Variants in COPZ2 observed in about 807,000 individuals in gnomAD.
COPZ2 encodes coatomer subunit zeta-2.
A neutral mutation model predicts 33.2 loss-of-function variants in COPZ2; 30 were observed. That is an observed-to-expected ratio of 0.90 (90% CI 0.68 to 1.23). The LOEUF (loss-of-function observed/expected upper bound fraction) is 1.23, where lower values mean the gene tolerates loss of function less well. Among genes scored for constraint, COPZ2 ranks in the 50% most tolerant of loss-of-function variants. The pLI is 0.00. For synonymous variants in COPZ2, 89 were observed against 102.6 expected (o/e 0.87, Z 0.80); for missense variants, 263 against 262.4 (o/e 1.00, Z -0.02).
intron 6 of COPZ2, chr17:48,031,592 A>G (rs2036895501): frequency 6.6e-6 from 1 of 152,660 alleles, no homozygotes; most frequent in Admixed American, 6.5e-5. Flanking sequence ...CTAAGAATAT[A>G]CTAGCATACC....
At chr17:48,026,660 A>G (rs889582420) in intron 8 of COPZ2, among the ~76,000 whole-genome samples, 185 bp from the exon 9 acceptor site, 1 of 152,210 alleles carries the variant, frequency 6.6e-6, no homozygotes, top group Non-Finnish European at 1.5e-5. Flanking sequence ...GCGCAGACCA[A>G]ACCGGCTGCA....
the COPZ2 span, chr17:48,045,914 C>G: frequency 6.6e-6 from 1 of 152,186 alleles, no homozygotes; most frequent in Non-Finnish European, 1.5e-5. Context: ...GGTTAATCAG[C>G]AGGTTCTGGG....
intron 7 of COPZ2, 114 bp downstream of exon 7, chr17:48,029,010 TG>T (rs962564668): frequency 5.6e-6 from 5 of 894,392 alleles, no homozygotes; most frequent in African/African-American, 1.7e-5. Context: ...GTCAGCCCAG[TG>T]GTTGGCTTCT....
intron 2 of COPZ2, among the ~76,000 whole-genome samples, chr17:48,036,090 G>C (rs1325954846): frequency 1.3e-5 from 2 of 152,168 alleles, no homozygotes; most frequent in Non-Finnish European, 2.9e-5. Flanking sequence ...AGATGCTATA[G>C]CTCCCCTACA....
chr17:48,036,924 A>G lies in COPZ2; in HGVS notation c.113T>C (p.Leu38Ser). 6.2e-7 allele frequency: 1 copy of G among 1,613,756 alleles called. No individual in the cohort carries two copies. Among genetic ancestry groups the G allele is most frequent in the Non-Finnish European group, 8.5e-7 (1 of 1,179,722 alleles). Residue 38 changes from leucine (L) to serine (S), a missense_variant and splice_region_variant, in exon 2 of 9, where the codon TTG becomes TCG. Coordinates refer to ENST00000621465, the MANE Select transcript of COPZ2 (RefSeq NM_016429.4). ...GATGGTGTAGAGGGAAGGTTCCTGC[A>G]ACTGACACCGGAGAGGAGAGTTCCG... ...ARAGEPSGLR[L>S]QEPSLYTIKA... is the part of the protein sequence containing the mutation.
chr17:48,041,178 T>G (rs376651149), upstream of COPZ2, among the ~76,000 whole-genome samples: 33 of 151,818 alleles, frequency 2.2e-4, no homozygotes, highest in East Asian at 1.3e-3. Flanking sequence ...GACAACATAT[T>G]TTATGTGCTG....
chr17:48,030,243 C>T (rs1320653331), intron 6 of COPZ2, among the ~76,000 whole-genome samples: 6 of 151,466 alleles, frequency 4.0e-5, no homozygotes, highest in Admixed American at 2.0e-4. Flanking sequence ...GCCAAGATCA[C>T]GCCACTGCAC....
chr17:48,029,117 A>C lies in COPZ2; in HGVS notation c.546+8T>G. The C allele has an allele frequency of 6.4e-7, 1 of 1,573,656 alleles. No individual in the cohort carries two copies. The highest frequency in any genetic ancestry group is 1.2e-5 in the South Asian group (1 of 85,214). On this transcript the variant is annotated splice_region_variant and intron_variant, in intron 7 of 8. Transcript: ENST00000621465. ...CCTAAAAGAGGAGGTGTCCAGGAAGACTCTTACCCTAAAATTCACCTTCTG... is the reference window on the plus strand; with the variant it reads ...CCTAAAAGAGGAGGTGTCCAGGAAGCCTCTTACCCTAAAATTCACCTTCTG...
In COPZ2 at chr17:48,028,355, AC is replaced by A. The variant is rs1436805167; in HGVS notation, c.585+116del. On this transcript the variant is annotated intron_variant, in intron 8 of 8. Transcript: ENST00000621465. This position sits in a 1 kb window ranked among gnomAD's most constrained non-coding sequence, Gnocchi z 4.5. ...TCACTGCCTCATCCCTTCCCTTCTC[AC>A]CCCTGATTTTTCAGACTTGATAACT... is the stretch of plus-strand genomic sequence containing the variant. The A allele has an allele frequency of 1.3e-5, 14 of 1,056,538 alleles. No individual in the cohort carries two copies. Among genetic ancestry groups the A allele is most frequent in the Non-Finnish European group, 1.9e-5 (14 of 737,208 alleles). The allele number at this position is 1,056,538 out of a possible 1,614,324, so 65.4% of individuals were successfully genotyped here. A position where few individuals can be genotyped will look rare whatever the true frequency, so the allele number is the denominator to read the frequency against.
At position 48,037,328 on chromosome 17, in the gene COPZ2, G is replaced by T; in HGVS notation, c.111+339C>A. 2.3e-6 allele frequency: 1 copy of T among 429,382 alleles called. No homozygotes were observed. The highest frequency in any genetic ancestry group is 4.5e-6 in the Non-Finnish European group (1 of 221,644). The allele number at this position is 429,382 out of a possible 1,614,324, so 26.6% of individuals were successfully genotyped here. ...CAGCGCGCCCCCAGGCCCTGGCCCG[G>T]GTAGACTCCAGAAGCATGCCCATCA... On this transcript the variant is annotated intron_variant, in intron 1 of 8. Coordinates refer to ENST00000621465, the MANE Select transcript of COPZ2 (RefSeq NM_016429.4). The surrounding 1 kb of genome is among the most constrained non-coding windows in gnomAD (Gnocchi z 5.6).
upstream of COPZ2, among the ~76,000 whole-genome samples, chr17:48,041,725 A>G (rs746742619): frequency 7.9e-5 from 12 of 152,090 alleles, no homozygotes; most frequent in Non-Finnish European, 1.8e-4. Context: ...AGTTATGTCA[A>G]TGGTCATGCT....
intron 2 of COPZ2, among the ~76,000 whole-genome samples, chr17:48,034,428 A>C (rs1014203958): frequency 6.6e-6 from 1 of 152,130 alleles, no homozygotes; most frequent in African/African-American, 2.4e-5. Flanking sequence ...AATTCTGAGC[A>C]AAGAAAGTCC....
In COPZ2 at chr17:48,037,298, G is replaced by C. The variant is rs910302331; in HGVS notation, c.111+369C>G. 4.5e-5 allele frequency: 22 copies of C among 491,050 alleles called. No homozygotes were observed. Among genetic ancestry groups the C allele is most frequent in the South Asian group, 1.7e-5 (1 of 58,380 alleles). The allele number at this position is 491,050 out of a possible 1,614,324, so 30.4% of individuals were successfully genotyped here. A position where few individuals can be genotyped will look rare whatever the true frequency, so the allele number is the denominator to read the frequency against. On this transcript the variant is annotated intron_variant, in intron 1 of 8. Coordinates refer to ENST00000621465, the MANE Select transcript of COPZ2 (RefSeq NM_016429.4). This position sits in a 1 kb window ranked among gnomAD's most constrained non-coding sequence, Gnocchi z 5.6. ...TGATCCCTGGCCGGGCTGGACCTGC[G>C]CTATCAGCGCGCCCCCAGGCCCTGG...
rs1276847704 is a variant in COPZ2 at position 48,026,234 on chromosome 17, C to T, written c.*194G>A. 5 of 590,356 alleles carry T rather than the reference C, an allele frequency of 8.5e-6. No homozygotes were observed. Among genetic ancestry groups the T allele is most frequent in the Non-Finnish European group, 1.5e-5 (5 of 331,804 alleles). The allele number at this position is 590,356 out of a possible 1,614,324, so 36.6% of individuals were successfully genotyped here. On this transcript the variant is annotated 3_prime_UTR_variant, in exon 9 of 9. Transcript: ENST00000621465. ...GGAATGCCTAAGATATGAGTTAAGG[C>T]CAGGGCCGTGAGAAAAGGTGACTCT...
At chr17:48,042,860 C>T (rs894907028), upstream of COPZ2, among the ~76,000 whole-genome samples, 1 of 152,192 alleles carries the variant, frequency 6.6e-6, no homozygotes, top group Non-Finnish European at 1.5e-5. Context: ...ATAACCCCTC[C>T]CCAAACTCCT....
At position 48,032,244 on chromosome 17, in the gene COPZ2, A is replaced by G. The variant is rs1168822019; in HGVS notation, c.417-11T>C. On this transcript the variant is annotated splice_polypyrimidine_tract_variant and intron_variant, in intron 5 of 8. Transcript: ENST00000621465. ...TTCTCCACGTTCTTCCTGAAGGTGG[A>G]CACAAGCTCCTGAGCCTCCCTGTGG... The G allele has an allele frequency of 6.2e-7, 1 of 1,609,964 alleles. No homozygotes were observed. The highest frequency in any genetic ancestry group is 8.5e-7 in the Non-Finnish European group (1 of 1,178,230).
Position 48,036,911 on chromosome 17 carries a change from G to GGAA in COPZ2, c.123_125dup (p.Ser42dup). The stretch of plus-strand genomic sequence containing the variant: ...TGAAAACAGCCTTGATGGTGTAGAG[G>GGAA]GAAGGTTCCTGCAACTGACACCGGA... On this transcript the variant is annotated inframe_insertion, in exon 2 of 9. Coordinates refer to ENST00000621465, the MANE Select transcript of COPZ2 (RefSeq NM_016429.4). 1 of 1,613,768 alleles carries GGAA rather than the reference G, an allele frequency of 6.2e-7. No homozygotes were observed.
In COPZ2 at chr17:48,028,287, A is replaced by G. The variant is rs2036843855; in HGVS notation, c.585+185T>C. On this transcript the variant is annotated intron_variant, in intron 8 of 8. Coordinates refer to ENST00000621465, the MANE Select transcript of COPZ2 (RefSeq NM_016429.4). This position sits in a 1 kb window ranked among gnomAD's most constrained non-coding sequence, Gnocchi z 4.5. ...TTAGTACCCAGCTCCCCTGAGTTGG[A>G]GAGCCCGGAGGCCTCCAGTGAGTCT... 6.6e-6 allele frequency among the ~76,000 whole-genome samples: 1 copy of G among 152,172 alleles called. No individual in the cohort carries two copies. Among genetic ancestry groups the G allele is most frequent in the Non-Finnish European group, 1.5e-5 (1 of 68,006 alleles).
upstream of COPZ2, chr17:48,037,882 C>T (rs2037018325): frequency 6.2e-6 from 6 of 972,952 alleles, no homozygotes; most frequent in Non-Finnish European, 7.3e-6. This position sits in a 1 kb window ranked among gnomAD's most constrained non-coding sequence, Gnocchi z 5.6. Context: ...GCCTCCCTTT[C>T]CTCGGGGCCC....
Sources: allele counts gnomAD v4.1 joint callset (sites outside exome capture counted in the v4.1 genomes callset), GRCh38; gene constraint gnomAD v4.1.1; non-coding constraint Gnocchi (gnomAD v3.1); transcripts MANE v1.5; gene names NCBI Gene and HGNC (gene_info 2026-07-23, HGNC 2026-07-21).